The following PPP2R3B variants were observed in gnomAD, a reference collection of about 807,000 sequenced individuals.
PPP2R3B encodes serine/threonine-protein phosphatase 2A regulatory subunit B'' subunit beta.
Under a neutral mutation model 72.9 loss-of-function variants are expected in PPP2R3B, and 68 were observed. The ratio of observed to expected loss-of-function variants is 0.93; its 90% CI spans 0.77 to 1.14. The LOEUF (loss-of-function observed/expected upper bound fraction) is 1.14, where lower values mean the gene tolerates loss of function less well. Among genes scored for constraint, PPP2R3B ranks in the 50% most tolerant of loss-of-function variants. The pLI, the probability that PPP2R3B is intolerant of heterozygous loss-of-function variation, is 0.00. For missense variants in PPP2R3B, 1,018 were observed against 842.0 expected, an observed-to-expected ratio of 1.21 and a Z score of -2.59; for synonymous variants, 466 against 375.8, an observed-to-expected ratio of 1.24 and a Z score of -2.78.
At chrX:381,415 G>C (rs1239051787) in intron 1 of PPP2R3B, among the ~76,000 whole-genome samples, 1 of 151,986 alleles carries the variant, frequency 6.6e-6, no homozygotes, top group Non-Finnish European at 1.5e-5. Context: ...CCTCCTGACA[G>C]CTCATACTCC....
intron 2 of PPP2R3B, among the ~76,000 whole-genome samples, chrX:354,900 C>A (rs138511240): frequency 0.011 from 1,655 of 152,296 alleles, 29 homozygotes; most frequent in African/African-American, 0.037. Context: ...AGGGAAGGGG[C>A]CTCCTGAGTC....
intron 5 of PPP2R3B, 185 bp from the exon 6 acceptor site, chrX:346,445 GGGT>G: frequency 1.5e-6 from 1 of 646,318 alleles, no homozygotes; most frequent in Non-Finnish European, 2.6e-6. Flanking sequence ...AAAGCGGGGA[GGGT>G]CTGGCCGGGG....
chrX:366,954 G>T (rs2071728209), intron 1 of PPP2R3B, among the ~76,000 whole-genome samples: 1 of 151,904 alleles, frequency 6.6e-6, no homozygotes, highest in Non-Finnish European at 1.5e-5. Flanking sequence ...CTTAAACCCG[G>T]GAGGCGGAGG....
chrX:341,893 C>G lies in PPP2R3B; in HGVS notation c.1075G>C (p.Ala359Pro). The G allele has an allele frequency of 6.2e-7, 1 of 1,612,698 alleles. No homozygotes were observed. The highest frequency in any genetic ancestry group is 1.1e-5 in the South Asian group (1 of 91,082). Residue 359 changes from alanine (A) to proline (P), a missense_variant, in exon 8 of 13, where the codon GCA (alanine) becomes CCA (proline). Physicochemically the swap from Ala to Pro is conservative, Grantham distance 27 (BLOSUM62 -1). Coordinates refer to ENST00000390665, the MANE Select transcript of PPP2R3B (RefSeq NM_013239.5). ...CTGAGCCGTACGTACCGTGTGACTG[C>G]TCCTGAGAAGATCCTGTCTATCATC... ...TKMIDRIFSGAVTRGRKVQKE... is the reference protein window; with the variant it reads ...TKMIDRIFSGPVTRGRKVQKE...
intron 8 of PPP2R3B, 147 bp downstream of exon 8, chrX:341,736 C>CA: frequency 1.1e-6 from 1 of 891,054 alleles, no homozygotes; most frequent in South Asian, 1.4e-5. Flanking sequence ...ATTCACGTGA[C>CA]AGAGACACGT....
In PPP2R3B at chrX:347,257, C is replaced by T. The variant is rs753690806; in HGVS notation, c.694G>A (p.Glu232Lys). Residue 232 changes from glutamate (E) to lysine (K), a missense_variant, in exon 4 of 13, where the codon GAG becomes AAG. Physicochemically the swap from Glu to Lys is moderately conservative, Grantham distance 56. Coordinates refer to ENST00000390665, the MANE Select transcript of PPP2R3B (RefSeq NM_013239.5). ...ACCTGCAAGAAGGGGACAAAGTCCT[C>T]CTGCACCAGGTAGTTGCAGCCGGGG... ...MSPGCNYLVQ[E>K]DFVPFLQDVV... is the part of the protein sequence containing the mutation. 3.1e-6 allele frequency: 5 copies of T among 1,613,594 alleles called. No homozygotes were observed. Among genetic ancestry groups the T allele is most frequent in the African/African-American group, 1.3e-5 (1 of 74,886 alleles).
Position 341,102 on chromosome X carries a change from C to T in PPP2R3B, c.1176-162G>A, listed in dbSNP as rs376038389. The T allele has an allele frequency of 5.0e-5, 32 of 640,864 alleles. No homozygotes were observed. The East Asian group carries it at 2.3e-3, about 46-fold the overall frequency. 39.7% of individuals were successfully genotyped at this position (640,864 alleles called of 1,614,324 possible). On this transcript the variant is annotated intron_variant, in intron 9 of 12. Coordinates refer to ENST00000390665, the MANE Select transcript of PPP2R3B (RefSeq NM_013239.5). The stretch of plus-strand genomic sequence containing the variant: ...CCTGCCCCCTGCCGCCCCCACCGGG[C>T]GCGCACGCGTCCCCCTGTGCCGTGC...
chrX:364,296 G>T (rs747885685), intron 1 of PPP2R3B, among the ~76,000 whole-genome samples: 112 of 152,182 alleles, frequency 7.4e-4, no homozygotes, highest in African/African-American at 2.3e-3. Context: ...GGGCAGGGGG[G>T]AGTTCTCCCC....
At chrX:337,985 T>C (rs1050570534) in intron 12 of PPP2R3B, 4 of 155,854 alleles carry the variant, frequency 2.6e-5, no homozygotes, top group Admixed American at 6.2e-5. Context: ...AGAAATGAAT[T>C]CTTAGATATG....
At chrX:357,147 G>A (rs977310164) in intron 2 of PPP2R3B, among the ~76,000 whole-genome samples, 8 of 152,048 alleles carry the variant, frequency 5.3e-5, no homozygotes, top group African/African-American at 1.4e-4. Context: ...AAGCTACAGC[G>A]ACCGGAAGCA....
At chrX:372,904 G>A (rs1313930295) in intron 1 of PPP2R3B, among the ~76,000 whole-genome samples, 3 of 152,118 alleles carry the variant, frequency 2.0e-5, no homozygotes, top group Non-Finnish European at 4.4e-5. Context: ...CTCCAGCCTG[G>A]GAAACAGAGA....
intron 8 of PPP2R3B, 92 bp from the exon 9 acceptor site, chrX:341,488 A>ACCC: frequency 1.5e-6 from 2 of 1,313,610 alleles, no homozygotes; most frequent in South Asian, 1.2e-5. Context: ...CGGTGAGGGG[A>ACCC]GCCCCCCGGG....
intron 1 of PPP2R3B, among the ~76,000 whole-genome samples, chrX:380,786 CAAAA>C (rs1054118917): frequency 1.1e-4 from 6 of 53,122 alleles, no homozygotes; most frequent in Non-Finnish European, 1.3e-4. Context: ...AACTCCATCT[CAAAA>C]AAAAAAAAAA....
chrX:353,826 C>T (rs956108197), intron 2 of PPP2R3B, among the ~76,000 whole-genome samples: 14 of 148,986 alleles, frequency 9.4e-5, no homozygotes, highest in Admixed American at 6.0e-4. Context: ...AGCAGGGGCT[C>T]GCCCAAAGAC....
chrX:374,960 CGA>C, intron 1 of PPP2R3B, among the ~76,000 whole-genome samples: 2 of 152,244 alleles, frequency 1.3e-5, no homozygotes, highest in South Asian at 4.1e-4. Flanking sequence ...TTCCTTTTTC[CGA>C]GTGTCCTAGA....
chrX:364,534 A>AC (rs1458808409), intron 1 of PPP2R3B, among the ~76,000 whole-genome samples: 7 of 150,346 alleles, frequency 4.7e-5, no homozygotes, highest in African/African-American at 7.3e-5. Flanking sequence ...AAAAAAAAAA[A>AC]CAGAAAACAA....
At chrX:370,940 G>A (rs923415236) in intron 1 of PPP2R3B, among the ~76,000 whole-genome samples, 1 of 152,136 alleles carries the variant, frequency 6.6e-6, no homozygotes, top group African/African-American at 2.4e-5. Context: ...GAAGGACCCC[G>A]TGGGGACGCC....
At chrX:373,177 G>A (rs1454359005) in intron 1 of PPP2R3B, among the ~76,000 whole-genome samples, 10 of 152,150 alleles carry the variant, frequency 6.6e-5, no homozygotes, top group South Asian at 4.1e-4. Flanking sequence ...TGTCTGCAGC[G>A]AACACTCCCA....
chrX:358,770 G>A (rs1355618819), intron 2 of PPP2R3B, among the ~76,000 whole-genome samples: 2 of 151,302 alleles, frequency 1.3e-5, no homozygotes, highest in African/African-American at 4.9e-5. Context: ...ACCAGGCGCC[G>A]AGGCGGGGAA....
Sources: gnomAD v4.1 joint callset for allele counts (sites outside exome capture counted in the v4.1 genomes callset) on GRCh38, gnomAD v4.1.1 for gene constraint, MANE v1.5 for transcripts, NCBI Gene and HGNC (gene_info 2026-07-23, HGNC 2026-07-21) for gene names.